USP32: variants seen among roughly 807,000 people sequenced by gnomAD.
USP32 encodes ubiquitin carboxyl-terminal hydrolase 32.
In USP32, 59 loss-of-function variants were observed where a neutral mutation model predicts 204.8. The observed-to-expected ratio is 0.29, with a 90% CI of 0.23 to 0.36. The LOEUF (loss-of-function observed/expected upper bound fraction) is 0.36. Among genes scored for constraint, USP32 ranks in the 10% least tolerant of loss-of-function variants. USP32 has a pLI of 1.00. For synonymous variants in USP32, 517 were observed against 678.4 expected (o/e 0.76, Z 3.70); for missense variants, 1,160 against 1,946.4 (o/e 0.60, Z 7.60).
At chr17:60,288,454 T>G (rs540814226) in intron 5 of USP32, 69 bp downstream of exon 5, 300 of 1,496,996 alleles carry the variant, frequency 2.0e-4, no homozygotes, top group Middle Eastern at 3.7e-4. Context: ...ATAAGCATAT[T>G]CTCATATTAC....
Position 60,179,110 on chromosome 17 carries a change from T to C in USP32, c.*145A>G. 1 of 942,830 alleles carries C rather than the reference T, an allele frequency of 1.1e-6. No individual in the cohort carries two copies. Among genetic ancestry groups the C allele is most frequent in the East Asian group, 2.7e-5 (1 of 36,474 alleles). 58.4% of individuals were successfully genotyped at this position (942,830 alleles called of 1,614,324 possible). A position where few individuals can be genotyped will look rare whatever the true frequency, so the allele number is the denominator to read the frequency against. On this transcript the variant is annotated 3_prime_UTR_variant, in exon 34 of 34. Transcript: ENST00000300896. Reference sequence around the variant, plus strand: ...TTACTACTCTTAAAGTTAACTATTTTAATTAGAATTTTTATTTTGTGCTTC... The same window carrying C: ...TTACTACTCTTAAAGTTAACTATTTCAATTAGAATTTTTATTTTGTGCTTC...
At chr17:60,313,408 A>T (rs773058051) in intron 2 of USP32, among the ~76,000 whole-genome samples, 2 of 152,066 alleles carry the variant, frequency 1.3e-5, no homozygotes, top group Non-Finnish European at 2.9e-5. Context: ...TTTTCTTCAA[A>T]TGTGTTTCAT....
At chr17:60,306,559 A>C (rs893157208) in intron 2 of USP32, among the ~76,000 whole-genome samples, 1 of 151,974 alleles carries the variant, frequency 6.6e-6, no homozygotes, top group Admixed American at 6.6e-5. Flanking sequence ...AATCACTTGA[A>C]CCCGGAAGGC....
intron 14 of USP32, among the ~76,000 whole-genome samples, chr17:60,223,142 A>G (rs1294569399): frequency 6.6e-6 from 1 of 152,226 alleles, no homozygotes; most frequent in Non-Finnish European, 1.5e-5. Flanking sequence ...TTGGAAAAAA[A>G]AATTCATACA....
chr17:60,296,023 T>A (rs368003725), intron 3 of USP32, among the ~76,000 whole-genome samples: 4 of 152,128 alleles, frequency 2.6e-5, no homozygotes, highest in East Asian at 3.9e-4. Flanking sequence ...GAGAAAAAAA[T>A]CACCAAATTC....
intron 9 of USP32, among the ~76,000 whole-genome samples, chr17:60,258,791 A>G (rs1361155730): frequency 6.6e-6 from 1 of 152,212 alleles, no homozygotes; most frequent in African/African-American, 2.4e-5. Context: ...CCATAATATG[A>G]GGCAAACTAT....
intron 9 of USP32, among the ~76,000 whole-genome samples, chr17:60,264,805 A>G (rs1251929703): frequency 1.4e-5 from 2 of 138,528 alleles, no homozygotes; most frequent in East Asian, 4.5e-4. Flanking sequence ...GGTGGCAGTG[A>G]GCTGAGATCC....
At chr17:60,247,187 C>CT (rs759850539) in intron 11 of USP32, among the ~76,000 whole-genome samples, 5,336 of 148,822 alleles carry the variant, frequency 0.036, 313 homozygotes, top group African/African-American at 0.12. Flanking sequence ...ATTTTCTTTT[C>CT]TTTTTTTTTT....
At chr17:60,242,625 G>C (rs1311798382) in intron 11 of USP32, among the ~76,000 whole-genome samples, 1 of 152,100 alleles carries the variant, frequency 6.6e-6, no homozygotes, top group Non-Finnish European at 1.5e-5. Context: ...TGGCCAGGCT[G>C]ATCTCAAACT....
At chr17:60,296,683 T>C (rs2087437782) in intron 3 of USP32, among the ~76,000 whole-genome samples, 1 of 152,208 alleles carries the variant, frequency 6.6e-6, no homozygotes, top group South Asian at 2.1e-4. Context: ...TTTAAAAATA[T>C]GTGTTTGTGA....
chr17:60,405,182 A>T (rs1170408675), intron 1 of USP32, among the ~76,000 whole-genome samples: 4 of 152,052 alleles, frequency 2.6e-5, no homozygotes, highest in Admixed American at 2.0e-4. Flanking sequence ...AAGAACAAAA[A>T]ATAGAAGCTG....
chr17:60,418,402 T>TTTG (rs1039214095), intron 1 of USP32, among the ~76,000 whole-genome samples: 3 of 151,060 alleles, frequency 2.0e-5, no homozygotes, highest in Admixed American at 6.6e-5. Context: ...CTCTGTTTTT[T>TTTG]TTTTTTTTTT....
intron 11 of USP32, among the ~76,000 whole-genome samples, chr17:60,251,162 C>T (rs1272762744): frequency 6.6e-6 from 1 of 151,776 alleles, no homozygotes; most frequent in Non-Finnish European, 1.5e-5. Flanking sequence ...AGGCTGGTCT[C>T]GAACTCCTGA....
intron 15 of USP32, 75 bp downstream of exon 15, chr17:60,222,334 A>G: frequency 5.9e-6 from 9 of 1,523,316 alleles, no homozygotes; most frequent in Non-Finnish European, 8.1e-6. Flanking sequence ...GGTTAGTGAG[A>G]GTCACATAGA....
In USP32 at chr17:60,179,402, G is replaced by T; in HGVS notation, c.4668C>A (p.Thr1556=). The T allele has an allele frequency of 6.2e-7, 1 of 1,612,486 alleles. No homozygotes were observed. The highest frequency in any genetic ancestry group is 8.5e-7 in the Non-Finnish European group (1 of 1,179,816). ...CATAGAAAAGAATGTAGGCAGAGTCGGTGTCAATTTCATCCGGGTGAAGTT... is the reference window on the plus strand; with the variant it reads ...CATAGAAAAGAATGTAGGCAGAGTCTGTGTCAATTTCATCCGGGTGAAGTT... ...CKELHPDEID[T]DSAYILFYEQ... The change falls in exon 34 of 34, where the codon ACC becomes ACA. Residue 1556 remains threonine (T), a synonymous_variant. Coordinates refer to ENST00000300896, the MANE Select transcript of USP32 (RefSeq NM_032582.4).
At chr17:60,206,340 A>T (rs1282281354) in intron 25 of USP32, among the ~76,000 whole-genome samples, 20 of 148,846 alleles carry the variant, frequency 1.3e-4, no homozygotes, top group South Asian at 8.3e-4. Flanking sequence ...TAAATTAAAT[A>T]AAAATTAAAA....
chr17:60,188,937 A>C (rs1161112669), intron 29 of USP32, among the ~76,000 whole-genome samples: 1 of 152,244 alleles, frequency 6.6e-6, no homozygotes, highest in Non-Finnish European at 1.5e-5. Flanking sequence ...TGCATCACTG[A>C]AAGTGGAAGT....
At chr17:60,352,810 AG>A (rs1221006510) in intron 1 of USP32, among the ~76,000 whole-genome samples, 2 of 152,224 alleles carry the variant, frequency 1.3e-5, no homozygotes, top group African/African-American at 4.8e-5. Context: ...CTGGGATTAC[AG>A]GCCTAAGGCA....
At chr17:60,315,452 T>C (rs2087950675) in intron 2 of USP32, among the ~76,000 whole-genome samples, 1 of 151,978 alleles carries the variant, frequency 6.6e-6, no homozygotes, top group Admixed American at 6.6e-5. Context: ...AACAAGAATG[T>C]AAAAAAACCC....
Sources: allele counts gnomAD v4.1 joint callset (sites outside exome capture counted in the v4.1 genomes callset), GRCh38; gene constraint gnomAD v4.1.1; transcripts MANE v1.5; gene names NCBI Gene and HGNC (gene_info 2026-07-23, HGNC 2026-07-21).